Variants in PRDM7 observed in about 807,000 individuals in gnomAD.
PRDM7 encodes the protein histone-lysine N-methyltransferase PRDM7.
PRDM7 carries 52 observed loss-of-function variants against 64.3 expected under a neutral mutation model. The ratio of observed to expected loss-of-function variants is 0.81; its 90% CI spans 0.65 to 1.02. The LOEUF (loss-of-function observed/expected upper bound fraction) is 1.02. Among genes scored for constraint, PRDM7 ranks in the 50% least tolerant of loss-of-function variants. The pLI is 0.00. For missense variants in PRDM7, 574 were observed against 597.1 expected, an observed-to-expected ratio of 0.96 and a Z score of 0.40; for synonymous variants, 192 against 210.1, an observed-to-expected ratio of 0.91 and a Z score of 0.74.
At chr16:90,063,086 A>G (rs148638687) in intron 6 of PRDM7, among the ~76,000 whole-genome samples, 343 of 152,312 alleles carry the variant, frequency 2.3e-3, no homozygotes, top group African/African-American at 7.5e-3. Flanking sequence ...CAAGGCCCCA[A>G]TGCTTCTGTG....
chr16:90,068,335 G>A (rs919170379), intron 4 of PRDM7, among the ~76,000 whole-genome samples: 1 of 150,118 alleles, frequency 6.7e-6, no homozygotes, highest in African/African-American at 2.5e-5. Flanking sequence ...AAAATTGTTA[G>A]AAGTAATACA....
chr16:90,075,405 C>A lies in PRDM7; in HGVS notation c.139G>T (p.Glu47Ter). The stretch of plus-strand genomic sequence containing the variant: ...TTCACATTCCTATAGCGAGTTTTCT[C>A]CCAGTCTCCCATTTCTGCCCATTCT... ...KEEWAEMGDW[E>*]KTRYRNVKMN... The change falls in exon 3 of 11, where the codon GAG (glutamate) becomes TAG (stop). Residue 47 changes from glutamate (E) to a stop codon, truncating the protein, a stop_gained. Transcript: ENST00000449207. LOFTEE classifies it high-confidence loss of function. This position sits in a 1 kb window ranked among gnomAD's most constrained non-coding sequence, Gnocchi z 4.3. The A allele has an allele frequency of 6.2e-7, 1 of 1,614,166 alleles. No individual in the cohort carries two copies. The highest frequency in any genetic ancestry group is 8.5e-7 in the Non-Finnish European group (1 of 1,180,032).
intron 4 of PRDM7, among the ~76,000 whole-genome samples, chr16:90,068,449 C>T (rs1044542391): frequency 1.9e-4 from 29 of 150,308 alleles, no homozygotes; most frequent in East Asian, 1.9e-4. Flanking sequence ...TCCTGGCTAA[C>T]GTGGTGAAAC....
At chr16:90,067,660 G>A (rs1361879676) in intron 4 of PRDM7, among the ~76,000 whole-genome samples, 1 of 147,114 alleles carries the variant, frequency 6.8e-6, no homozygotes, top group Non-Finnish European at 1.5e-5. Context: ...GCGCGAGGTC[G>A]GCTCACTGCA....
At chr16:90,064,031 G>A (rs981228184) in intron 5 of PRDM7, among the ~76,000 whole-genome samples, 1 of 152,194 alleles carries the variant, frequency 6.6e-6, no homozygotes, top group African/African-American at 2.4e-5. Context: ...GGGAAGACTA[G>A]CTGGAGAATC....
chr16:90,076,301 G>T (rs1756298906), intron 1 of PRDM7, among the ~76,000 whole-genome samples: 1 of 152,180 alleles, frequency 6.6e-6, no homozygotes, highest in South Asian at 2.1e-4. Context: ...GTCCTGAGGT[G>T]TGAGAGCCAG....
rs2038051207 is a variant in PRDM7, at chr16:90,077,311, C to A, written c.-171G>T. On this transcript the variant is annotated 5_prime_UTR_variant, in exon 1 of 11. Transcript: ENST00000449207. ...TGCCGCGGTGTTCACCCTGGCCGGGCGTCTTCTCGGAGCCGCTCAGGAGGT... is the reference window on the plus strand; with the variant it reads ...TGCCGCGGTGTTCACCCTGGCCGGGAGTCTTCTCGGAGCCGCTCAGGAGGT... The A allele has an allele frequency of 6.6e-6, 1 of 152,282 alleles. No homozygotes were observed. Among genetic ancestry groups the A allele is most frequent in the South Asian group, 2.1e-4 (1 of 4,826 alleles). The allele number at this position is 152,282 out of a possible 1,614,324, so 9.4% of individuals were successfully genotyped here.
intron 10 of PRDM7, among the ~76,000 whole-genome samples, chr16:90,059,917 A>G (rs1023475191): frequency 7.9e-5 from 12 of 152,262 alleles, no homozygotes; most frequent in African/African-American, 2.9e-4. Flanking sequence ...CACTTCCTGC[A>G]ACATCGTCTG....
At chr16:90,061,664 A>G in intron 8 of PRDM7, 145 bp from the exon 9 acceptor site, 1 of 1,164,804 alleles carries the variant, frequency 8.6e-7, no homozygotes, top group Non-Finnish European at 1.2e-6. Flanking sequence ...GTCATCATCT[A>G]CACATCTGAG....
chr16:90,068,245 C>T (rs2037905794), intron 4 of PRDM7, among the ~76,000 whole-genome samples: 1 of 150,500 alleles, frequency 6.6e-6, no homozygotes, highest in African/African-American at 2.5e-5. Flanking sequence ...TGCTACTGCA[C>T]TCCAGCTTGG....
At chr16:90,065,685 A>C (rs2037862995) in intron 5 of PRDM7, among the ~76,000 whole-genome samples, 1 of 151,322 alleles carries the variant, frequency 6.6e-6, no homozygotes, top group Non-Finnish European at 1.5e-5. Flanking sequence ...CAGTAAGCCG[A>C]GATTGAGCCA....
rs2037707929 is a variant in PRDM7 at position 90,057,895 on chromosome 16, G to A, written c.*394C>T. 1 of 1,535,716 alleles carries A rather than the reference G, an allele frequency of 6.5e-7. No homozygotes were observed. Among genetic ancestry groups the A allele is most frequent in the Admixed American group, 1.7e-5 (1 of 57,646 alleles). On this transcript the variant is annotated 3_prime_UTR_variant, in exon 11 of 11. Coordinates refer to ENST00000449207, the MANE Select transcript of PRDM7 (RefSeq NM_001098173.2). ...CCCTGTGTGTCCTCTGGTGAATGAG[G>A]AGGACTGACTTCCGGCTAAAGCCCC...
intron 5 of PRDM7, 82 bp downstream of exon 5, chr16:90,066,779 T>C (rs2037880208): frequency 2.4e-6 from 3 of 1,264,734 alleles, no homozygotes; most frequent in African/African-American, 1.5e-5. Context: ...GTTCCTAGGA[T>C]AGTCTGTACA....
chr16:90,060,562 G>C lies in PRDM7; in HGVS notation c.1012C>G (p.Gln338Glu), dbSNP rs750230701. The part of the protein sequence containing the change: ...QNLVAFQYHR[Q>E]IFYRTCRVIR... The stretch of plus-strand genomic sequence containing the variant: ...ACTCGGCAGGTTCTATAGAAGATCT[G>C]CCTGTGGTACTGGAAGGCCACCAGG... Residue 338 changes from glutamine (Q) to glutamate (E), a missense_variant, in exon 10 of 11, where the codon CAG becomes GAG. By Grantham distance (29) the Gln-to-Glu change is conservative (BLOSUM62 2). Transcript: ENST00000449207. 3 of 1,614,070 alleles carry C rather than the reference G, an allele frequency of 1.9e-6. No homozygotes were observed. Among genetic ancestry groups the C allele is most frequent in the African/African-American group, 2.7e-5 (2 of 75,020 alleles).
At chr16:90,068,811 G>A (rs988787041) in intron 4 of PRDM7, among the ~76,000 whole-genome samples, 2 of 150,986 alleles carry the variant, frequency 1.3e-5, no homozygotes, top group African/African-American at 4.9e-5. Flanking sequence ...TAACCAAGGA[G>A]GCAAAAACTT....
intron 4 of PRDM7, among the ~76,000 whole-genome samples, chr16:90,073,593 G>T (rs2037993355): frequency 6.6e-6 from 1 of 151,982 alleles, no homozygotes; most frequent in Admixed American, 6.5e-5. Context: ...TAGAGATGGG[G>T]TTTCACCGTG....
intron 9 of PRDM7, 22 bp downstream of exon 9, chr16:90,061,430 C>T (rs752877362): frequency 1.3e-6 from 2 of 1,562,576 alleles, no homozygotes; most frequent in Non-Finnish European, 1.8e-6. Flanking sequence ...CTCTCTGAAA[C>T]TAAGAGACCT....
chr16:90,063,342 G>A (rs1393210395), intron 6 of PRDM7, among the ~76,000 whole-genome samples: 1 of 152,130 alleles, frequency 6.6e-6, no homozygotes, highest in Non-Finnish European at 1.5e-5. Flanking sequence ...GGTGACTGAG[G>A]CATGAAAATC....
In PRDM7 at chr16:90,062,461, G is replaced by C. The variant is rs371622874; in HGVS notation, c.550C>G (p.Arg184Gly). Residue 184 changes from arginine (R) to glycine (G), a missense_variant, in exon 7 of 11, where the codon CGA becomes GGA. Physicochemically the swap from Arg to Gly is moderately radical, Grantham distance 125. Coordinates refer to ENST00000449207, the MANE Select transcript of PRDM7 (RefSeq NM_001098173.2). ...KETEGKMYSL[R>G]ERKGHAYKEI... The stretch of plus-strand genomic sequence containing the variant: ...TTGTATGCATGACCCTTTCTTTCTC[G>C]CAGGCTATACATCTTTCCTTCAGTC... The C allele has an allele frequency of 2.5e-6, 4 of 1,614,012 alleles. No homozygotes were observed. Among genetic ancestry groups the C allele is most frequent in the Non-Finnish European group, 3.4e-6 (4 of 1,180,006 alleles).
Sources: allele counts gnomAD v4.1 joint callset (sites outside exome capture counted in the v4.1 genomes callset), GRCh38; gene constraint gnomAD v4.1.1; non-coding constraint Gnocchi (gnomAD v3.1); transcripts MANE v1.5; gene names NCBI Gene and HGNC (gene_info 2026-07-23, HGNC 2026-07-21).